PRKCE: variants seen among roughly 807,000 people sequenced by gnomAD.
PRKCE encodes the protein protein kinase C epsilon type.
PRKCE carries 16 observed loss-of-function variants against 85.4 expected under a neutral mutation model. The observed-to-expected ratio is 0.19, with a 90% CI of 0.13 to 0.28. PRKCE has a LOEUF of 0.28. Ranked by LOEUF, PRKCE falls within the 10% of genes least tolerant of loss-of-function variation. The pLI is 1.00. For synonymous variants in PRKCE, 388 were observed against 371.5 expected, an observed-to-expected ratio of 1.04 and a Z score of -0.51; for missense variants, 573 against 975.2, an observed-to-expected ratio of 0.59 and a Z score of 5.49.
intron 2 of PRKCE, among the ~76,000 whole-genome samples, chr2:45,918,652 T>C (rs930010871): frequency 9.2e-5 from 14 of 152,174 alleles, no homozygotes; most frequent in African/African-American, 3.4e-4. Flanking sequence ...TGGTTGTATA[T>C]AGTAAACCAA....
chr2:46,025,234 A>T (rs749821701), intron 10 of PRKCE, among the ~76,000 whole-genome samples: 4 of 152,224 alleles, frequency 2.6e-5, no homozygotes, highest in Non-Finnish European at 5.9e-5. Flanking sequence ...TAGGCAGAGT[A>T]ACTGAACCCT....
intron 10 of PRKCE, among the ~76,000 whole-genome samples, chr2:46,015,634 G>A (rs1489703975): frequency 3.5e-5 from 5 of 143,160 alleles, no homozygotes; most frequent in Non-Finnish European, 6.0e-5. Context: ...TGTTAACAAC[G>A]TAGGAGCAAA....
intron 6 of PRKCE, among the ~76,000 whole-genome samples, chr2:45,984,998 GA>G (rs933336498): frequency 9.2e-5 from 14 of 152,176 alleles, no homozygotes; most frequent in Non-Finnish European, 1.6e-4. Flanking sequence ...TAGAGCAGAA[GA>G]AAAGTAATAT....
At chr2:45,737,430 C>A (rs562924111) in intron 1 of PRKCE, among the ~76,000 whole-genome samples, 14 of 152,210 alleles carry the variant, frequency 9.2e-5, no homozygotes, top group South Asian at 2.1e-4. Context: ...ACATCCACTA[C>A]CTGTCCAGCC....
At chr2:45,690,576 A>G (rs1276135872) in intron 1 of PRKCE, among the ~76,000 whole-genome samples, 3 of 152,250 alleles carry the variant, frequency 2.0e-5, no homozygotes, top group East Asian at 3.8e-4. Flanking sequence ...CAAAAACTGC[A>G]CTGCCTTTTA....
At chr2:45,935,608 GA>G (rs1439304996) in intron 2 of PRKCE, among the ~76,000 whole-genome samples, 18 of 152,058 alleles carry the variant, frequency 1.2e-4, no homozygotes, top group African/African-American at 4.3e-4. Context: ...CCATCATGGT[GA>G]AACCCCATCT....
chr2:45,906,119 C>G (rs77788894), intron 2 of PRKCE, among the ~76,000 whole-genome samples: 11,626 of 152,288 alleles, frequency 0.076, 900 homozygotes, highest in East Asian at 0.4. Context: ...CGCAACTCTG[C>G]CTGACACATT....
At chr2:45,830,009 C>G (rs944405880) in intron 1 of PRKCE, among the ~76,000 whole-genome samples, 9 of 142,412 alleles carry the variant, frequency 6.3e-5, no homozygotes. Context: ...GGAGGCGGAG[C>G]TTGCAGTGAG....
At chr2:45,731,460 C>T (rs1681566100) in intron 1 of PRKCE, among the ~76,000 whole-genome samples, 1 of 152,056 alleles carries the variant, frequency 6.6e-6, no homozygotes, top group South Asian at 2.1e-4. Flanking sequence ...TACTGAGTCT[C>T]TTCAGGAAAC....
At chr2:45,781,644 C>A (rs1558664683) in intron 1 of PRKCE, among the ~76,000 whole-genome samples, 1 of 151,978 alleles carries the variant, frequency 6.6e-6, no homozygotes, top group Non-Finnish European at 1.5e-5. Context: ...CCCGCGCCCG[C>A]CCCCCGGCCC....
intron 10 of PRKCE, among the ~76,000 whole-genome samples, chr2:46,027,485 G>T (rs1036870211): frequency 6.6e-6 from 1 of 152,166 alleles, no homozygotes; most frequent in Non-Finnish European, 1.5e-5. Context: ...GTCAAGGTGG[G>T]TCACAGCTAA....
chr2:45,850,008 G>C (rs991792561), intron 2 of PRKCE, among the ~76,000 whole-genome samples: 2 of 152,198 alleles, frequency 1.3e-5, no homozygotes, highest in African/African-American at 4.8e-5. Context: ...TCGCTAAGAT[G>C]CTTGATGAGA....
chr2:46,146,301 T>C (rs1490791130), intron 12 of PRKCE, among the ~76,000 whole-genome samples: 2 of 152,278 alleles, frequency 1.3e-5, no homozygotes, highest in African/African-American at 2.4e-5. Flanking sequence ...ACATCGCCCA[T>C]GGCGGATAGG....
At chr2:45,866,392 C>G (rs1375163269) in intron 2 of PRKCE, among the ~76,000 whole-genome samples, 1 of 152,168 alleles carries the variant, frequency 6.6e-6, no homozygotes, top group Non-Finnish European at 1.5e-5. Context: ...ACTGCAAGCT[C>G]CCGCTCCTGG....
At chr2:45,922,047 C>A (rs1322991548) in intron 2 of PRKCE, among the ~76,000 whole-genome samples, 1 of 152,156 alleles carries the variant, frequency 6.6e-6, no homozygotes, top group Admixed American at 6.5e-5. Flanking sequence ...GCCCTTTCTG[C>A]ATAGGGGAAT....
chr2:45,667,666 A>T (rs374507352), intron 1 of PRKCE, among the ~76,000 whole-genome samples: 3 of 152,168 alleles, frequency 2.0e-5, no homozygotes, highest in East Asian at 1.9e-4. Flanking sequence ...TTATTGTTAA[A>T]AATTAGTTAT....
At chr2:45,785,727 C>T (rs1206664821) in intron 1 of PRKCE, among the ~76,000 whole-genome samples, 1 of 152,114 alleles carries the variant, frequency 6.6e-6, no homozygotes, top group African/African-American at 2.4e-5. Flanking sequence ...GTGACCACTA[C>T]CCTCAGAGCC....
At chr2:45,677,389 G>T (rs1196591717) in intron 1 of PRKCE, among the ~76,000 whole-genome samples, 2 of 131,050 alleles carry the variant, frequency 1.5e-5, no homozygotes, top group East Asian at 4.7e-4. Flanking sequence ...TCGCTCTGTC[G>T]CCCAGGCCGG....
intron 14 of PRKCE, among the ~76,000 whole-genome samples, chr2:46,181,305 A>G (rs1395573067): frequency 2.0e-5 from 3 of 152,212 alleles, no homozygotes; most frequent in East Asian, 3.8e-4. Context: ...GAGATTGCAC[A>G]TAGTGGGGAT....
Sources: gnomAD v4.1 joint callset for allele counts (sites outside exome capture counted in the v4.1 genomes callset) on GRCh38, gnomAD v4.1.1 for gene constraint, MANE v1.5 for transcripts, NCBI Gene and HGNC (gene_info 2026-07-23, HGNC 2026-07-21) for gene names.